PLPPR5: variants seen among roughly 807,000 people sequenced by gnomAD.
The protein encoded by PLPPR5 is phospholipid phosphatase related 5, also known as phospholipid phosphatase-related protein type 5.
Under a neutral mutation model 33.9 loss-of-function variants are expected in PLPPR5, and 16 were observed. The observed-to-expected ratio is 0.47, with a 90% CI of 0.32 to 0.72. The LOEUF is 0.72. PLPPR5 is among the 30% of genes least tolerant of loss of function. The pLI is 0.03. For synonymous variants in PLPPR5, 163 were observed against 150.3 expected, an observed-to-expected ratio of 1.08 and a Z score of -0.62; for missense variants, 301 against 406.7, an observed-to-expected ratio of 0.74 and a Z score of 2.23.
chr1:98,952,286 T>A (rs1418437455), intron 3 of PLPPR5, among the ~76,000 whole-genome samples: 4 of 143,902 alleles, frequency 2.8e-5, no homozygotes, highest in African/African-American at 1.0e-4. Context: ...AAAAAAAAAA[T>A]CTCTGACCTT....
At chr1:98,993,048 C>G (rs1349773613) in intron 1 of PLPPR5, among the ~76,000 whole-genome samples, 1 of 152,092 alleles carries the variant, frequency 6.6e-6, no homozygotes, top group Admixed American at 6.6e-5. Flanking sequence ...CTGATGTAAG[C>G]ACTATGTTAG....
At chr1:98,998,653 A>G (rs957905176) in intron 1 of PLPPR5, among the ~76,000 whole-genome samples, 2 of 152,208 alleles carry the variant, frequency 1.3e-5, no homozygotes, top group Admixed American at 6.5e-5. Flanking sequence ...ATAAAAGTAT[A>G]TAACAAAAAA....
At chr1:98,917,553 T>TTTG (rs1434185018) in intron 4 of PLPPR5, among the ~76,000 whole-genome samples, 1 of 152,182 alleles carries the variant, frequency 6.6e-6, no homozygotes, top group Non-Finnish European at 1.5e-5. Flanking sequence ...CCTTCTCTGT[T>TTTG]TTCAAAACAC....
At chr1:98,962,713 T>C (rs1343465564) in intron 1 of PLPPR5, among the ~76,000 whole-genome samples, 1 of 152,192 alleles carries the variant, frequency 6.6e-6, no homozygotes, top group African/African-American at 2.4e-5. Context: ...GGTGCAGTTA[T>C]GGCTCACTGC....
intron 1 of PLPPR5, among the ~76,000 whole-genome samples, chr1:98,973,089 G>C (rs910038846): frequency 3.3e-5 from 5 of 152,014 alleles, no homozygotes; most frequent in Admixed American, 6.6e-5. Context: ...TATTGAATTA[G>C]TCATTTCTGA....
At chr1:98,897,434 T>TA (rs2101132021) in intron 5 of PLPPR5, among the ~76,000 whole-genome samples, 1 of 152,312 alleles carries the variant, frequency 6.6e-6, no homozygotes, top group South Asian at 2.1e-4. Context: ...TATTTAAACA[T>TA]TGTCTTAATT....
chr1:98,946,641 G>A (rs1468720135), intron 3 of PLPPR5, among the ~76,000 whole-genome samples: 3 of 152,048 alleles, frequency 2.0e-5, no homozygotes, highest in Non-Finnish European at 4.4e-5. Context: ...AGCACTTCCC[G>A]TGATGCTTGC....
At chr1:98,902,308 A>T (rs1016944054) in intron 5 of PLPPR5, among the ~76,000 whole-genome samples, 2 of 152,060 alleles carry the variant, frequency 1.3e-5, no homozygotes, top group African/African-American at 4.8e-5. Flanking sequence ...TATACAGGGA[A>T]ATTCTGTGTT....
Position 98,933,390 on chromosome 1 carries a change from G to A in PLPPR5, c.622-11332C>T, listed in dbSNP as rs1440375166. On this transcript the variant is annotated intron_variant, in intron 3 of 5. Coordinates refer to ENST00000263177, the MANE Select transcript of PLPPR5 (RefSeq NM_001037317.2). The stretch of plus-strand genomic sequence containing the variant: ...CCCAGCTACTCAGGAGGCTGAGGCA[G>A]GAGAATGGTGTGAACCCGGGAGGCG... 6.6e-5 allele frequency among the ~76,000 whole-genome samples: 10 copies of A among 150,876 alleles called. No homozygotes were observed. In the Admixed American group the frequency reaches 6.6e-4, roughly 10 times the overall value.
intron 1 of PLPPR5, among the ~76,000 whole-genome samples, chr1:98,995,496 G>A (rs1652601861): frequency 6.6e-6 from 1 of 152,124 alleles, no homozygotes; most frequent in Non-Finnish European, 1.5e-5. Flanking sequence ...AGCTATGTGG[G>A]TTAACTAAAA....
At chr1:98,988,942 G>C (rs531824563) in intron 1 of PLPPR5, among the ~76,000 whole-genome samples, 2 of 152,162 alleles carry the variant, frequency 1.3e-5, no homozygotes, top group East Asian at 3.9e-4. Flanking sequence ...CGTAACTTTA[G>C]CAACATCCCT....
intron 3 of PLPPR5, among the ~76,000 whole-genome samples, chr1:98,925,340 C>T (rs1041687202): frequency 1.3e-5 from 2 of 152,138 alleles, no homozygotes; most frequent in Non-Finnish European, 2.9e-5. Flanking sequence ...TGCTCACTAT[C>T]TCGCAGGCCA....
intron 5 of PLPPR5, among the ~76,000 whole-genome samples, chr1:98,893,918 T>G (rs1648375765): frequency 6.6e-6 from 1 of 152,030 alleles, no homozygotes; most frequent in Non-Finnish European, 1.5e-5. Context: ...TGGATTTTTA[T>G]AACAAATGAT....
At chr1:98,916,275 C>A (rs990888691) in intron 4 of PLPPR5, among the ~76,000 whole-genome samples, 1 of 152,172 alleles carries the variant, frequency 6.6e-6, no homozygotes, top group Non-Finnish European at 1.5e-5. Flanking sequence ...CCCAGAAGAA[C>A]TACAGATTAG....
chr1:98,946,911 T>G (rs1438512042), intron 3 of PLPPR5, among the ~76,000 whole-genome samples: 3 of 152,176 alleles, frequency 2.0e-5, no homozygotes, highest in Non-Finnish European at 4.4e-5. Context: ...TATATTATTT[T>G]TATAGAACTA....
rs568675637 is a variant in PLPPR5, at chr1:98,972,426, T to C, written c.238-15685A>G. Among the ~76,000 whole-genome samples the C allele has an allele frequency of 2.0e-5, 3 of 152,224 alleles. No individual in the cohort carries two copies. In the South Asian group the frequency reaches 6.2e-4, roughly 32 times the overall value. Reference sequence around the variant, plus strand: ...TCAATCAAGTTTTCTTTCAAAATCTTAATTATAATCTCCCCGTATGAACTT... The same window carrying C: ...TCAATCAAGTTTTCTTTCAAAATCTCAATTATAATCTCCCCGTATGAACTT... On this transcript the variant is annotated intron_variant, in intron 1 of 5. Coordinates refer to ENST00000263177, the MANE Select transcript of PLPPR5 (RefSeq NM_001037317.2).
At chr1:98,968,000 T>C (rs1651511918) in intron 1 of PLPPR5, among the ~76,000 whole-genome samples, 1 of 152,030 alleles carries the variant, frequency 6.6e-6, no homozygotes, top group South Asian at 2.1e-4. Flanking sequence ...AAAAAGGAGA[T>C]TCAGTTTGCT....
chr1:98,895,276 T>G (rs1366215666), intron 5 of PLPPR5, among the ~76,000 whole-genome samples: 3 of 152,034 alleles, frequency 2.0e-5, no homozygotes, highest in Admixed American at 1.3e-4. Flanking sequence ...TCCCTCTTTT[T>G]GTGCTTCCAT....
At chr1:98,911,551 C>A (rs888005124) in intron 5 of PLPPR5, among the ~76,000 whole-genome samples, 2 of 151,836 alleles carry the variant, frequency 1.3e-5, no homozygotes, top group African/African-American at 4.8e-5. Flanking sequence ...TTAATAGATA[C>A]AATGATGTAA....
Sources: allele counts gnomAD v4.1 joint callset (sites outside exome capture counted in the v4.1 genomes callset), GRCh38; gene constraint gnomAD v4.1.1; transcripts MANE v1.5; gene names NCBI Gene and HGNC (gene_info 2026-07-23, HGNC 2026-07-21).